SRPX: variants seen among roughly 807,000 people sequenced by gnomAD.
SRPX encodes sushi repeat containing protein X-linked, also known as sushi repeat-containing protein SRPX.
Under a neutral mutation model 38.1 loss-of-function variants are expected in SRPX, and 24 were observed. The ratio of observed to expected loss-of-function variants is 0.63; its 90% CI spans 0.46 to 0.89. The LOEUF is 0.89. Among genes scored for constraint, SRPX ranks in the 40% least tolerant of loss-of-function variants. SRPX has a pLI of 0.00. For missense variants in SRPX, 416 were observed against 377.8 expected (o/e 1.10, Z -0.84); for synonymous variants, 184 against 153.8 (o/e 1.20, Z -1.45).
chrX:38,175,455 C>T (rs1601856611), intron 2 of SRPX, among the ~76,000 whole-genome samples: 1 of 112,202 alleles, frequency 8.9e-6, no homozygotes. Flanking sequence ...GTTCTGGCCA[C>T]GTCTTATGCA....
intron 7 of SRPX, 108 bp downstream of exon 7, chrX:38,159,909 A>C: frequency 6.2e-5 from 52 of 835,681 alleles, no homozygotes; most frequent in Non-Finnish European, 8.0e-5. Flanking sequence ...ATAAAGAGGG[A>C]TGGCCATGAA....
intron 1 of SRPX, among the ~76,000 whole-genome samples, chrX:38,193,631 T>C (rs191250868): frequency 2.7e-5 from 3 of 112,382 alleles, no homozygotes; most frequent in African/African-American, 9.7e-5. Flanking sequence ...TTTTGTCTCA[T>C]TGTAAAATCT....
chrX:38,149,803 G>T lies in SRPX; in HGVS notation c.1303C>A (p.Pro435Thr), dbSNP rs1175937646. ...TCAATCAGGTTGAACAGGGCCACAG[G>T]CATCACCAGGGAGACATAGCGCTCT... ...DKERYVSLVM[P>T]VALFNLIDTF... The change falls in exon 10 of 10, where the codon CCT becomes ACT. Residue 435 changes from proline to threonine, a missense_variant. Pro to Thr is a conservative substitution (Grantham distance 38). Transcript: ENST00000378533. 2 of 1,211,051 alleles carry T rather than the reference G, an allele frequency of 1.7e-6. No homozygotes were observed. The highest frequency in any genetic ancestry group is 5.9e-5 in the East Asian group (2 of 33,820).
At chrX:38,220,017 C>T (rs183671302) in intron 1 of SRPX, among the ~76,000 whole-genome samples, 4 of 113,195 alleles carry the variant, frequency 3.5e-5, no homozygotes, top group Non-Finnish European at 5.6e-5. Context: ...CCGGAGACCA[C>T]GCCCTCCAGG....
intron 4 of SRPX, among the ~76,000 whole-genome samples, chrX:38,169,398 G>A (rs1213355911): frequency 2.7e-5 from 3 of 111,776 alleles, no homozygotes; most frequent in Non-Finnish European, 3.8e-5. Context: ...CACAAGAAAC[G>A]TATGCCATCA....
intron 5 of SRPX, among the ~76,000 whole-genome samples, chrX:38,162,014 G>C (rs927096505): frequency 2.7e-5 from 3 of 112,317 alleles, no homozygotes; most frequent in African/African-American, 9.7e-5. Flanking sequence ...CCAGGTATGA[G>C]AGAGGGGTCT....
chrX:38,179,135 G>A (rs763340811), intron 1 of SRPX, among the ~76,000 whole-genome samples: 20 of 109,770 alleles, frequency 1.8e-4, no homozygotes, highest in Non-Finnish European at 3.0e-4. Context: ...TAGTAGAGAC[G>A]GGATTTCTCC....
chrX:38,182,031 A>G (rs1026925494), intron 1 of SRPX, among the ~76,000 whole-genome samples: 1 of 112,345 alleles, frequency 8.9e-6, no homozygotes. Flanking sequence ...TTGAATTCAC[A>G]TGGGAAAGGA....
chrX:38,156,016 G>T (rs1386945312), intron 8 of SRPX, among the ~76,000 whole-genome samples: 1 of 112,306 alleles, frequency 8.9e-6, no homozygotes, highest in Non-Finnish European at 1.9e-5. Flanking sequence ...GCTGATATGA[G>T]AAGTAAATTG....
chrX:38,217,151 G>A (rs1399395655), intron 1 of SRPX, among the ~76,000 whole-genome samples: 2 of 112,646 alleles, frequency 1.8e-5, no homozygotes, highest in Non-Finnish European at 3.7e-5. Flanking sequence ...GCTAGGCACC[G>A]TGGGAAATAC....
At chrX:38,177,778 TC>T (rs1938591945) in intron 2 of SRPX, among the ~76,000 whole-genome samples, 2 of 111,934 alleles carry the variant, frequency 1.8e-5, no homozygotes, top group South Asian at 3.7e-4. Context: ...GAGATGGAGT[TC>T]TTTATCATTA....
chrX:38,175,246 C>T (rs1412610134), intron 2 of SRPX, among the ~76,000 whole-genome samples: 1 of 111,899 alleles, frequency 8.9e-6, no homozygotes, highest in Non-Finnish European at 1.9e-5. Flanking sequence ...TAAAGCCTGC[C>T]GGGCTCTCAA....
chrX:38,203,704 G>T (rs1601870714), intron 1 of SRPX, among the ~76,000 whole-genome samples: 1 of 112,199 alleles, frequency 8.9e-6, no homozygotes, highest in African/African-American at 3.2e-5. Context: ...ACTTGAACCT[G>T]GGAGGTGGAG....
chrX:38,154,387 A>C, intron 9 of SRPX, 75 bp downstream of exon 9: 4 of 1,112,917 alleles, frequency 3.6e-6, no homozygotes, highest in Non-Finnish European at 3.6e-6. Flanking sequence ...TCCTGAATAG[A>C]AAGAAACCAG....
intron 1 of SRPX, among the ~76,000 whole-genome samples, chrX:38,190,678 T>A (rs1938884179): frequency 9.0e-6 from 1 of 111,614 alleles, no homozygotes; most frequent in African/African-American, 3.3e-5. Flanking sequence ...CAATTCTAGT[T>A]TTCAAAATGA....
At chrX:38,213,446 C>G (rs1307122582) in intron 1 of SRPX, among the ~76,000 whole-genome samples, 1 of 111,629 alleles carries the variant, frequency 9.0e-6, no homozygotes, top group Non-Finnish European at 1.9e-5. Context: ...GCATTTGGGA[C>G]TCTGACAACC....
intron 2 of SRPX, among the ~76,000 whole-genome samples, chrX:38,177,681 T>C (rs5964310): frequency 0.41 from 45,183 of 110,148 alleles, 6,929 homozygotes; most frequent in East Asian, 0.76. Context: ...GTAGAAATAT[T>C]TGTGGACATA....
chrX:38,203,472 G>A (rs907514964), intron 1 of SRPX, among the ~76,000 whole-genome samples: 12 of 112,752 alleles, frequency 1.1e-4, no homozygotes, highest in Non-Finnish European at 1.5e-4. Flanking sequence ...ACAAAGATTG[G>A]AAAGGAAGAA....
intron 1 of SRPX, among the ~76,000 whole-genome samples, chrX:38,179,892 C>A (rs1938635830): frequency 9.0e-6 from 1 of 111,172 alleles, no homozygotes; most frequent in Non-Finnish European, 1.9e-5. Context: ...ATTACTTGAG[C>A]CCAGGAGTTC....
Sources: gnomAD v4.1 joint callset for allele counts (sites outside exome capture counted in the v4.1 genomes callset) on GRCh38, gnomAD v4.1.1 for gene constraint, MANE v1.5 for transcripts, NCBI Gene and HGNC (gene_info 2026-07-23, HGNC 2026-07-21) for gene names.